The following STK31 variants were observed in gnomAD, a reference collection of about 807,000 sequenced individuals.
STK31 encodes serine/threonine kinase 31.
A neutral mutation model predicts 129.7 loss-of-function variants in STK31; 89 were observed. That is an observed-to-expected ratio of 0.69 (90% CI 0.58 to 0.82). STK31 has a LOEUF of 0.82. Ranked by LOEUF, STK31 falls within the 40% of genes least tolerant of loss-of-function variation. The pLI is 0.00. For synonymous variants in STK31, 448 were observed against 395.3 expected (o/e 1.13, Z -1.58); for missense variants, 1,187 against 1,176.4 (o/e 1.01, Z -0.13).
chr7:23,795,437 G>C (rs1791893611), intron 22 of STK31, among the ~76,000 whole-genome samples: 2 of 152,314 alleles, frequency 1.3e-5, no homozygotes, highest in South Asian at 4.1e-4. Flanking sequence ...TTTTCTGCAG[G>C]GGTGGAGCCC....
At chr7:23,764,258 CTG>C (rs755988386) in intron 11 of STK31, among the ~76,000 whole-genome samples, 298 of 152,270 alleles carry the variant, frequency 2.0e-3, no homozygotes, top group African/African-American at 6.9e-3. Flanking sequence ...TTTCTTCTCA[CTG>C]TTAGTAAATG....
chr7:23,734,353 T>A (rs915625278), intron 6 of STK31, among the ~76,000 whole-genome samples: 5 of 152,208 alleles, frequency 3.3e-5, no homozygotes, highest in Non-Finnish European at 7.3e-5. Flanking sequence ...GCTTTATATA[T>A]TCCGAAAAAG....
At chr7:23,750,418 G>A (rs1358431131) in intron 8 of STK31, among the ~76,000 whole-genome samples, 1 of 152,170 alleles carries the variant, frequency 6.6e-6, no homozygotes, top group Non-Finnish European at 1.5e-5. Context: ...GAGAAAAGTT[G>A]TTGATTTCCA....
chr7:23,790,140 C>T (rs7792188), intron 21 of STK31, among the ~76,000 whole-genome samples: 71,878 of 151,972 alleles, frequency 0.47, 17,332 homozygotes, highest in Admixed American at 0.55. Flanking sequence ...GGATCAAAAT[C>T]GTAGCTAGAA....
intron 4 of STK31, among the ~76,000 whole-genome samples, chr7:23,717,983 A>G (rs1260287408): frequency 6.6e-6 from 1 of 152,160 alleles, no homozygotes; most frequent in East Asian, 1.9e-4. Flanking sequence ...TCAGTTTTAC[A>G]ACATGAAAAG....
At chr7:23,777,520 G>A (rs1790633085) in intron 15 of STK31, among the ~76,000 whole-genome samples, 1 of 152,052 alleles carries the variant, frequency 6.6e-6, no homozygotes, top group African/African-American at 2.4e-5. Context: ...TCCTGTATTG[G>A]GTGCATATAT....
intron 13 of STK31, among the ~76,000 whole-genome samples, chr7:23,770,524 G>A (rs561635207): frequency 6.6e-6 from 1 of 152,204 alleles, no homozygotes; most frequent in South Asian, 2.1e-4. Context: ...CTTATATTTA[G>A]CATATTAGTA....
chr7:23,712,091 T>A lies in STK31; in HGVS notation c.51-8T>A. The stretch of plus-strand genomic sequence containing the variant: ...ATTATTGTAATCTAATTTAAGGTAT[T>A]GTTCTAGTTTTTCAGGAATTGTTCA... On this transcript the variant is annotated splice_region_variant and splice_polypyrimidine_tract_variant and intron_variant, in intron 1 of 23. Coordinates refer to ENST00000355870, the MANE Select transcript of STK31 (RefSeq NM_031414.5). The A allele has an allele frequency of 6.3e-7, 1 of 1,595,824 alleles. No homozygotes were observed. The highest frequency in any genetic ancestry group is 8.6e-7 in the Non-Finnish European group (1 of 1,164,178).
chr7:23,769,978 G>A (rs1359467738), intron 13 of STK31, among the ~76,000 whole-genome samples: 1 of 152,076 alleles, frequency 6.6e-6, no homozygotes, highest in African/African-American at 2.4e-5. Flanking sequence ...TGTTTTAATA[G>A]GACATTTCAC....
intron 22 of STK31, among the ~76,000 whole-genome samples, chr7:23,797,630 A>G (rs1438665006): frequency 6.6e-6 from 1 of 152,232 alleles, no homozygotes; most frequent in Non-Finnish European, 1.5e-5. Context: ...AGGGAAATTT[A>G]TAGCACTAAA....
intron 22 of STK31, among the ~76,000 whole-genome samples, chr7:23,810,246 A>G (rs930671128): frequency 5.9e-5 from 9 of 152,094 alleles, no homozygotes; most frequent in African/African-American, 1.7e-4. Context: ...TTTGCATGGT[A>G]TATCTTCTGC....
At chr7:23,779,945 G>GA (rs1554292713) in intron 15 of STK31, among the ~76,000 whole-genome samples, 1 of 152,208 alleles carries the variant, frequency 6.6e-6, no homozygotes, top group Non-Finnish European at 1.5e-5. Context: ...TTTTGTGCTT[G>GA]AAACCCAGGG....
intron 1 of STK31, among the ~76,000 whole-genome samples, chr7:23,711,065 C>T (rs1785925862): frequency 6.6e-6 from 1 of 152,032 alleles, no homozygotes; most frequent in Non-Finnish European, 1.5e-5. Flanking sequence ...TTTTATTTTT[C>T]TGTGATGAGG....
At chr7:23,810,601 T>C (rs1309335035) in intron 22 of STK31, among the ~76,000 whole-genome samples, 1 of 128,406 alleles carries the variant, frequency 7.8e-6, no homozygotes, top group African/African-American at 3.2e-5. Flanking sequence ...TCCATCTTTT[T>C]ATATATATAT....
chr7:23,831,423 T>A (rs190380510), intron 23 of STK31, among the ~76,000 whole-genome samples: 1 of 152,346 alleles, frequency 6.6e-6, no homozygotes, highest in Admixed American at 6.5e-5. Flanking sequence ...CAAGTATAGT[T>A]ACACCTGCTT....
At chr7:23,744,058 T>A (rs186891885) in intron 8 of STK31, among the ~76,000 whole-genome samples, 1 of 152,106 alleles carries the variant, frequency 6.6e-6, no homozygotes, top group East Asian at 1.9e-4. Context: ...TAGCTGGGAC[T>A]ACAGGTGCAT....
chr7:23,792,487 T>G (rs375238024), intron 22 of STK31, among the ~76,000 whole-genome samples: 3 of 152,306 alleles, frequency 2.0e-5, no homozygotes, highest in East Asian at 3.9e-4. Context: ...AATGGAGCGA[T>G]ACACCATGCT....
chr7:23,830,533 C>G (rs1031616205), intron 23 of STK31, among the ~76,000 whole-genome samples: 2 of 151,612 alleles, frequency 1.3e-5, no homozygotes, highest in African/African-American at 4.9e-5. Context: ...TTCTAATTCC[C>G]TCTTTAATTT....
chr7:23,814,197 A>G (rs918547245), intron 22 of STK31, among the ~76,000 whole-genome samples: 4 of 126,920 alleles, frequency 3.2e-5, no homozygotes, highest in Non-Finnish European at 6.3e-5. Context: ...ACCTGTTACT[A>G]TGTTGTTCCT....
Sources: gnomAD v4.1 joint callset for allele counts (sites outside exome capture counted in the v4.1 genomes callset) on GRCh38, gnomAD v4.1.1 for gene constraint, MANE v1.5 for transcripts, NCBI Gene and HGNC (gene_info 2026-07-23, HGNC 2026-07-21) for gene names.